The following SENP6 variants were observed in gnomAD, a reference collection of about 807,000 sequenced individuals.
SENP6 encodes the protein sentrin-specific protease 6.
SENP6 carries 41 observed loss-of-function variants against 134.5 expected under a neutral mutation model. The observed-to-expected ratio is 0.30, with a 90% CI of 0.24 to 0.40. SENP6 has a LOEUF of 0.40. SENP6 is among the 10% of genes least tolerant of loss of function. The pLI is 1.00. For missense variants in SENP6, 1,248 were observed against 1,312.5 expected (o/e 0.95, Z 0.76); for synonymous variants, 395 against 429.8 (o/e 0.92, Z 1.00).
intron 3 of SENP6, among the ~76,000 whole-genome samples, chr6:75,628,920 C>CA (rs1196232662): frequency 3.3e-5 from 5 of 152,050 alleles, no homozygotes; most frequent in African/African-American, 7.2e-5. Flanking sequence ...GTGGTTTTGC[C>CA]ATGTTGGCCA....
At chr6:75,617,419 A>G (rs764424091) in intron 1 of SENP6, among the ~76,000 whole-genome samples, 14 of 151,610 alleles carry the variant, frequency 9.2e-5, no homozygotes, top group Non-Finnish European at 1.8e-4. Flanking sequence ...GGTTACAGGC[A>G]TGCACCACCA....
At chr6:75,676,843 T>C (rs1206490347) in intron 13 of SENP6, 187 bp from the exon 14 acceptor site, 3 of 491,274 alleles carry the variant, frequency 6.1e-6, no homozygotes, top group South Asian at 3.4e-5. Flanking sequence ...TTAGGTGACA[T>C]TGGCATGTAA....
intron 7 of SENP6, among the ~76,000 whole-genome samples, chr6:75,658,141 A>T (rs1771485413): frequency 6.6e-6 from 1 of 152,112 alleles, no homozygotes; most frequent in Non-Finnish European, 1.5e-5. Flanking sequence ...CTTAAGAGCT[A>T]TTTAGAAGTA....
At chr6:75,655,705 TATAA>T (rs1771268676) in intron 7 of SENP6, among the ~76,000 whole-genome samples, 1 of 152,226 alleles carries the variant, frequency 6.6e-6, no homozygotes, top group Admixed American at 6.5e-5. Context: ...TAATCGATAA[TATAA>T]ATAATCGATA....
intron 8 of SENP6, 45 bp downstream of exon 8, chr6:75,659,452 G>A (rs1294571391): frequency 6.6e-7 from 1 of 1,507,264 alleles, no homozygotes; most frequent in Non-Finnish European, 9.1e-7. Context: ...ATTGTGTTTT[G>A]ATTAATATTA....
intron 19 of SENP6, among the ~76,000 whole-genome samples, chr6:75,707,228 G>A (rs1007357439): frequency 5.3e-5 from 8 of 151,918 alleles, no homozygotes; most frequent in African/African-American, 7.3e-5. Flanking sequence ...GACTAATTCT[G>A]AATTACCTGA....
At chr6:75,624,691 T>C (rs1305967687) in intron 3 of SENP6, among the ~76,000 whole-genome samples, 1 of 152,228 alleles carries the variant, frequency 6.6e-6, no homozygotes, top group Admixed American at 6.5e-5. Context: ...TTAATATCCT[T>C]TGCCCATTTT....
chr6:75,676,211 A>G (rs999029380), intron 13 of SENP6, among the ~76,000 whole-genome samples, 157 bp downstream of exon 13: 1 of 152,154 alleles, frequency 6.6e-6, no homozygotes, highest in Non-Finnish European at 1.5e-5. Flanking sequence ...TACTTTCTCC[A>G]TTTTACAGAT....
At chr6:75,638,580 GTGTGTGTGTGTATATATATATA>G (rs370942848) in intron 5 of SENP6, among the ~76,000 whole-genome samples, 141 of 31,758 alleles carry the variant, frequency 4.4e-3, no homozygotes, top group Middle Eastern at 0.037. Context: ...GTGTGTGTGT[GTGTGTGTGTGTATATATATATA>G]TATATATATA....
intron 18 of SENP6, among the ~76,000 whole-genome samples, chr6:75,699,226 G>T (rs1488415072): frequency 6.7e-6 from 1 of 149,784 alleles, no homozygotes; most frequent in Non-Finnish European, 1.5e-5. Context: ...CTATACCTCT[G>T]CATGGAAGTT....
At chr6:75,621,757 T>G in intron 2 of SENP6, 132 bp downstream of exon 2, 1 of 547,844 alleles carries the variant, frequency 1.8e-6, no homozygotes, top group Non-Finnish European at 3.2e-6. Context: ...TCACAGTCGC[T>G]TTAAGGAAAG....
chr6:75,689,316 T>G (rs1179282362), intron 16 of SENP6, among the ~76,000 whole-genome samples: 1 of 152,132 alleles, frequency 6.6e-6, no homozygotes. Context: ...CCAAAAAGCA[T>G]ATGAAAGATG....
chr6:75,696,903 AT>A (rs1266290682), intron 17 of SENP6, among the ~76,000 whole-genome samples: 3 of 152,216 alleles, frequency 2.0e-5, no homozygotes, highest in Non-Finnish European at 4.4e-5. Context: ...GATGTCTTGA[AT>A]TGATGGCTGC....
rs1255566249 is a variant in SENP6 at position 75,715,802 on chromosome 6, A to C, written c.*208A>C. ...GAGGCCAATTTTTCCAGCATTTATA[A>C]TTATTTTTTTCACTTGTTAGGAAGC... On this transcript the variant is annotated 3_prime_UTR_variant, in exon 24 of 24. Transcript: ENST00000447266. 1 of 346,092 alleles carries C rather than the reference A, an allele frequency of 2.9e-6. No individual in the cohort carries two copies. Among genetic ancestry groups the C allele is most frequent in the African/African-American group, 2.1e-5 (1 of 47,184 alleles). 21.4% of individuals were successfully genotyped at this position (346,092 alleles called of 1,614,324 possible).
chr6:75,637,626 T>C (rs2149840233), intron 5 of SENP6, among the ~76,000 whole-genome samples: 1 of 152,216 alleles, frequency 6.6e-6, no homozygotes, highest in Admixed American at 6.5e-5. Context: ...CACTTTCACA[T>C]TTTTTGACTT....
At position 75,658,973 on chromosome 6, in the gene SENP6, C is replaced by CAAA. The variant is rs1412151177; in HGVS notation, c.551-289_551-288insAAA. Among the ~76,000 whole-genome samples the CAAA allele has an allele frequency of 4.6e-4, 13 of 28,528 alleles. 1 individual carries two copies. Among genetic ancestry groups the CAAA allele is most frequent in the African/African-American group, 8.2e-4 (6 of 7,340 alleles). The allele number at this position is 28,528 out of a possible 152,430, so 18.7% of individuals were successfully genotyped here. A position where few individuals can be genotyped will look rare whatever the true frequency, so the allele number is the denominator to read the frequency against. On this transcript the variant is annotated intron_variant, in intron 7 of 23. Coordinates refer to ENST00000447266, the MANE Select transcript of SENP6 (RefSeq NM_015571.4). ...GGTGACAGAATGAGACCTTGTCTCC[C>CAAA]CAAAAAAAAAAAAAAAAAAAAAAAA...
chr6:75,611,318 A>G (rs1191966784), intron 1 of SENP6: 1 of 152,232 alleles, frequency 6.6e-6, no homozygotes, highest in African/African-American at 2.4e-5. Flanking sequence ...GAGATATAAA[A>G]GAATGATTTA....
intron 16 of SENP6, among the ~76,000 whole-genome samples, chr6:75,691,044 T>C (rs1171538159): frequency 6.6e-6 from 1 of 150,942 alleles, no homozygotes; most frequent in Admixed American, 6.6e-5. Flanking sequence ...AGGATCTCCC[T>C]GTGTGCCCAG....
chr6:75,706,487 A>AT, intron 19 of SENP6, among the ~76,000 whole-genome samples: 2 of 152,280 alleles, frequency 1.3e-5, no homozygotes, highest in South Asian at 4.1e-4. Flanking sequence ...AACTCCAGAG[A>AT]TTTCTAGTGC....
Sources: allele counts gnomAD v4.1 joint callset (sites outside exome capture counted in the v4.1 genomes callset), GRCh38; gene constraint gnomAD v4.1.1; transcripts MANE v1.5; gene names NCBI Gene and HGNC (gene_info 2026-07-23, HGNC 2026-07-21).